Variants in FGF14 observed in about 807,000 individuals in gnomAD.
FGF14 encodes the protein fibroblast growth factor 14, also known as fibroblast growth factor homologous factor 4.
In FGF14, 5 loss-of-function variants were observed where a neutral mutation model predicts 25.5. The ratio of observed to expected loss-of-function variants is 0.20; its 90% CI spans 0.10 to 0.41. The LOEUF (loss-of-function observed/expected upper bound fraction) is 0.41. FGF14 is among the 10% of genes least tolerant of loss of function. FGF14 has a pLI of 1.00. For missense variants in FGF14, 222 were observed against 320.1 expected (o/e 0.69, Z 2.34); for synonymous variants, 138 against 118.3 (o/e 1.17, Z -1.08).
chr13:102,358,385 T>C (rs962008694), intron 1 of FGF14, among the ~76,000 whole-genome samples: 1 of 152,200 alleles, frequency 6.6e-6, no homozygotes, highest in African/African-American at 2.4e-5. Flanking sequence ...TACATCCCAG[T>C]GAACTTAAGA....
intron 1 of FGF14, among the ~76,000 whole-genome samples, chr13:101,898,603 G>T (rs1310059053): frequency 1.3e-5 from 2 of 151,994 alleles, no homozygotes; most frequent in African/African-American, 4.8e-5. Context: ...CTCTATTTTT[G>T]TCAAGATATT....
intron 1 of FGF14, among the ~76,000 whole-genome samples, chr13:102,239,123 C>T (rs2051466129): frequency 6.6e-6 from 1 of 152,026 alleles, no homozygotes; most frequent in Admixed American, 6.6e-5. Context: ...AATGACAACC[C>T]CAAGATCCCA....
intron 1 of FGF14, among the ~76,000 whole-genome samples, chr13:102,080,787 A>C (rs2043582945): frequency 1.3e-5 from 2 of 152,208 alleles, no homozygotes; most frequent in South Asian, 4.1e-4. Flanking sequence ...GGAATAATCT[A>C]ATTTACCCAC....
At chr13:102,142,054 GAC>G (rs2046664520) in intron 1 of FGF14, among the ~76,000 whole-genome samples, 1 of 152,080 alleles carries the variant, frequency 6.6e-6, no homozygotes, top group African/African-American at 2.4e-5. Flanking sequence ...TAAGATTTTA[GAC>G]ACAAATAATA....
At chr13:101,870,712 G>A (rs1257688710) in intron 2 of FGF14, among the ~76,000 whole-genome samples, 1 of 152,136 alleles carries the variant, frequency 6.6e-6, no homozygotes, top group Non-Finnish European at 1.5e-5. Context: ...CCAGCACTTC[G>A]GGAAGCCGAG....
intron 1 of FGF14, among the ~76,000 whole-genome samples, chr13:102,348,103 T>G (rs1200946116): frequency 6.6e-6 from 1 of 151,916 alleles, no homozygotes; most frequent in East Asian, 1.9e-4. Flanking sequence ...AAGTGTAAAA[T>G]TATTCATTTA....
At chr13:102,067,819 CCAAA>C (rs2042967759) in intron 1 of FGF14, among the ~76,000 whole-genome samples, 1 of 151,878 alleles carries the variant, frequency 6.6e-6, no homozygotes. Context: ...TTATAGAATA[CCAAA>C]CAGATTTAAC....
chr13:101,787,988 C>T (rs2039950956), intron 3 of FGF14, among the ~76,000 whole-genome samples: 1 of 152,210 alleles, frequency 6.6e-6, no homozygotes, highest in Non-Finnish European at 1.5e-5. Flanking sequence ...TCTCCGGCCT[C>T]AGCCTCCCGA....
At chr13:102,204,902 G>C (rs1393197373) in intron 1 of FGF14, among the ~76,000 whole-genome samples, 1 of 152,146 alleles carries the variant, frequency 6.6e-6, no homozygotes, top group East Asian at 1.9e-4. Flanking sequence ...TAAGATTAAA[G>C]CCATGGCAAC....
intron 3 of FGF14, among the ~76,000 whole-genome samples, chr13:101,822,849 G>A (rs1393514529): frequency 1.3e-5 from 2 of 152,066 alleles, no homozygotes; most frequent in South Asian, 2.1e-4. Flanking sequence ...CTACATTTTT[G>A]TATCTATTAA....
chr13:101,950,881 A>G (rs1446173340), intron 1 of FGF14, among the ~76,000 whole-genome samples: 2 of 152,056 alleles, frequency 1.3e-5, no homozygotes, highest in African/African-American at 4.8e-5. Context: ...ACAAACAAAA[A>G]GGGGTTACTT....
intron 1 of FGF14, among the ~76,000 whole-genome samples, chr13:102,217,244 T>C (rs1032477496): frequency 6.6e-6 from 1 of 152,206 alleles, no homozygotes; most frequent in African/African-American, 2.4e-5. Context: ...AAAGAAAACT[T>C]GATATTCTCT....
intron 1 of FGF14, among the ~76,000 whole-genome samples, chr13:102,338,285 T>C (rs1038830349): frequency 2.0e-5 from 3 of 152,310 alleles, no homozygotes; most frequent in South Asian, 2.1e-4. Flanking sequence ...CTTAGGAACA[T>C]TGGAGGGTGA....
chr13:102,161,626 AAGAAGAAGAAGAAGAAG>A (rs2047703990), intron 1 of FGF14, among the ~76,000 whole-genome samples: 7 of 10,826 alleles, frequency 6.5e-4, no homozygotes, highest in Admixed American at 1.3e-3. Context: ...GAAGAAGAAG[AAGAAGAAGAAGAAGAAG>A]AAGAAGAAGA....
chr13:102,285,760 G>C (rs965555935), intron 1 of FGF14, among the ~76,000 whole-genome samples: 4 of 152,146 alleles, frequency 2.6e-5, no homozygotes, highest in Non-Finnish European at 5.9e-5. Context: ...ACTTACAATA[G>C]GGTAGGTATT....
Position 102,158,313 on chromosome 13 carries a change from A to G in FGF14, c.208+243158T>C, listed in dbSNP as rs570316586. Among the ~76,000 whole-genome samples, 620 of 152,340 alleles carry G rather than the reference A, an allele frequency of 4.1e-3. 4 individuals are homozygous for G. Among genetic ancestry groups the G allele is most frequent in the African/African-American group, 0.014 (593 of 41,578 alleles). ...AGACTGGATTAAGAAAATGTGGCAC[A>G]TGTACACCATGGAATACTATGCAGC... is the stretch of plus-strand genomic sequence containing the variant. On this transcript the variant is annotated intron_variant, in intron 1 of 4. Transcript: ENST00000376131.
intron 1 of FGF14, among the ~76,000 whole-genome samples, chr13:102,026,519 TATA>T (rs1287663872): frequency 6.6e-6 from 1 of 151,992 alleles, no homozygotes; most frequent in Admixed American, 6.6e-5. Context: ...AGAATTTTTT[TATA>T]ATAAGCTTTT....
chr13:101,932,646 T>C (rs1428392546), intron 1 of FGF14, among the ~76,000 whole-genome samples: 1 of 151,204 alleles, frequency 6.6e-6, no homozygotes, highest in African/African-American at 2.4e-5. Flanking sequence ...CACAAGTAAC[T>C]ACTGGCTGAG....
At chr13:101,888,047 T>C (rs1419764346) in intron 1 of FGF14, among the ~76,000 whole-genome samples, 2 of 152,150 alleles carry the variant, frequency 1.3e-5, no homozygotes, top group Non-Finnish European at 2.9e-5. Context: ...GATGTCCTCC[T>C]GGGAGGAAGT....
Sources: allele counts gnomAD v4.1 joint callset (sites outside exome capture counted in the v4.1 genomes callset), GRCh38; gene constraint gnomAD v4.1.1; transcripts MANE v1.5; gene names NCBI Gene and HGNC (gene_info 2026-07-23, HGNC 2026-07-21).